Variants in RMDN2 observed in about 807,000 individuals in gnomAD.
RMDN2 encodes the protein regulator of microtubule dynamics protein 2.
In RMDN2, 61 loss-of-function variants were observed where a neutral mutation model predicts 52.8. The observed-to-expected ratio is 1.16, with a 90% confidence interval of 0.94 to 1.43. The LOEUF (loss-of-function observed/expected upper bound fraction) is 1.43. Ranked by LOEUF, RMDN2 falls within the 40% of genes most tolerant of loss-of-function variation. RMDN2 has a pLI of 0.00. For synonymous variants in RMDN2, 180 were observed against 153.1 expected (o/e 1.18, Z -1.30); for missense variants, 592 against 475.3 (o/e 1.25, Z -2.28).
At chr2:38,018,908 A>G (rs1248455381), downstream of RMDN2, among the ~76,000 whole-genome samples, 2 of 152,172 alleles carry the variant, frequency 1.3e-5, no homozygotes, top group Non-Finnish European at 2.9e-5. Context: ...GCACACACAC[A>G]TTTATACACT....
At chr2:38,053,274 G>T (rs1397574684) in intron 10 of RMDN2, among the ~76,000 whole-genome samples, 3 of 152,074 alleles carry the variant, frequency 2.0e-5, no homozygotes, top group African/African-American at 7.2e-5. Flanking sequence ...ACTTACCTAA[G>T]ACCAAATATA....
At chr2:38,027,539 A>G (rs560458368) in intron 10 of RMDN2, among the ~76,000 whole-genome samples, 27 of 152,350 alleles carry the variant, frequency 1.8e-4, no homozygotes, top group African/African-American at 5.5e-4. Flanking sequence ...ATAAGTTTTT[A>G]TAATGTTTCA....
At chr2:38,015,316 C>G (rs952243261) in intron 10 of RMDN2, among the ~76,000 whole-genome samples, 2 of 152,174 alleles carry the variant, frequency 1.3e-5, no homozygotes, top group Non-Finnish European at 2.9e-5. Flanking sequence ...GCTATAATCC[C>G]AGCACTTTGG....
intron 2 of RMDN2, chr2:37,952,858 A>C (rs1228377129): frequency 5.3e-5 from 8 of 152,040 alleles, no homozygotes; most frequent in African/African-American, 1.9e-4. Flanking sequence ...TTCTGAAATC[A>C]GGAAAAAGTA....
intron 10 of RMDN2, among the ~76,000 whole-genome samples, chr2:38,014,424 T>C (rs948073214): frequency 6.6e-6 from 1 of 152,226 alleles, no homozygotes; most frequent in African/African-American, 2.4e-5. Flanking sequence ...ATTGTTTAAA[T>C]TGATCTTAAA....
In RMDN2 at chr2:38,004,013, A is replaced by T. The variant is rs1558537898; in HGVS notation, c.1067A>T (p.Tyr356Phe). ...CAGGCTGAAGAACTATGCCCTGGTT[A>T]TTCTAATCCCAATTACATGTACTTA... ...FLKAEELCPG[Y>F]SNPNYMYLAK... Residue 356 changes from tyrosine (Y) to phenylalanine (F), a missense_variant, in exon 9 of 11, where the codon TAT becomes TTT. By Grantham distance (22) the Tyr-to-Phe change is conservative (BLOSUM62 3). Coordinates refer to ENST00000354545, the MANE Select transcript of RMDN2 (RefSeq NM_001170791.3). The T allele has an allele frequency of 6.2e-7, 1 of 1,613,274 alleles. No homozygotes were observed. Among genetic ancestry groups the T allele is most frequent in the African/African-American group, 1.3e-5 (1 of 75,040 alleles).
intron 2 of RMDN2, among the ~76,000 whole-genome samples, chr2:37,931,579 C>T (rs1558434600): frequency 1.3e-5 from 2 of 152,176 alleles, no homozygotes; most frequent in Non-Finnish European, 2.9e-5. Context: ...TAAAAGGACA[C>T]TGGTTAAGTT....
chr2:37,943,522 T>C (rs1667971573), intron 2 of RMDN2, among the ~76,000 whole-genome samples: 1 of 152,222 alleles, frequency 6.6e-6, no homozygotes, highest in Admixed American at 6.5e-5. Context: ...TTTTAGATGC[T>C]AATGAAAGAT....
At chr2:37,953,667 G>T (rs909318120) in intron 2 of RMDN2, among the ~76,000 whole-genome samples, 1 of 151,982 alleles carries the variant, frequency 6.6e-6, no homozygotes, top group African/African-American at 2.4e-5. Context: ...GCATGCAACT[G>T]TCTGTTCGAA....
At chr2:38,008,445 C>T (rs1016014222) in intron 10 of RMDN2, among the ~76,000 whole-genome samples, 2 of 152,158 alleles carry the variant, frequency 1.3e-5, no homozygotes, top group Non-Finnish European at 2.9e-5. Context: ...GAATTGATCC[C>T]TTTACCATTA....
chr2:37,983,770 C>G (rs1330775168), intron 5 of RMDN2, among the ~76,000 whole-genome samples: 1 of 152,160 alleles, frequency 6.6e-6, no homozygotes, highest in East Asian at 1.9e-4. Flanking sequence ...GCTGGACTCT[C>G]TTTAATTATG....
At chr2:38,057,390 T>C (rs963439786) in intron 10 of RMDN2, among the ~76,000 whole-genome samples, 5 of 152,252 alleles carry the variant, frequency 3.3e-5, no homozygotes, top group African/African-American at 1.2e-4. Flanking sequence ...TGTTCATGTG[T>C]CATAAAATAC....
chr2:37,941,691 C>G (rs115256931), intron 2 of RMDN2, among the ~76,000 whole-genome samples: 2 of 152,176 alleles, frequency 1.3e-5, no homozygotes, highest in Non-Finnish European at 2.9e-5. Flanking sequence ...TTTGTTTACA[C>G]CGTGTGGGGA....
chr2:37,951,812 T>G (rs766619098), intron 2 of RMDN2: 11 of 1,613,544 alleles, frequency 6.8e-6, no homozygotes, highest in Middle Eastern at 1.6e-4. Context: ...CTCCAGCCTT[T>G]GGGAACACTA....
intron 10 of RMDN2, among the ~76,000 whole-genome samples, chr2:38,011,080 T>C (rs1428154887): frequency 6.6e-6 from 1 of 152,110 alleles, no homozygotes; most frequent in Non-Finnish European, 1.5e-5. Context: ...GGAGATTAAC[T>C]ATGTAGGCAG....
chr2:37,970,186 T>C (rs547778277), intron 2 of RMDN2, among the ~76,000 whole-genome samples: 1 of 152,278 alleles, frequency 6.6e-6, no homozygotes, highest in South Asian at 2.1e-4. Context: ...TCCTGCCTCC[T>C]GAAGTGCTGG....
chr2:38,001,087 C>T (rs981198978), intron 8 of RMDN2, among the ~76,000 whole-genome samples: 6 of 152,124 alleles, frequency 3.9e-5, no homozygotes, highest in East Asian at 3.8e-4. Context: ...CTAGTGGCTT[C>T]CCCAGCTGCA....
chr2:38,065,620 T>G (rs1319625512), intron 10 of RMDN2, among the ~76,000 whole-genome samples: 2 of 152,162 alleles, frequency 1.3e-5, no homozygotes, highest in Non-Finnish European at 2.9e-5. Flanking sequence ...TGGCCAGTGC[T>G]CACGGGCTCT....
intron 2 of RMDN2, chr2:37,953,086 T>A (rs2124974005): frequency 6.6e-6 from 1 of 152,106 alleles, no homozygotes; most frequent in South Asian, 2.1e-4. Context: ...GTCCCCCAAA[T>A]TTATTTCATG....
Sources: allele counts gnomAD v4.1 joint callset (sites outside exome capture counted in the v4.1 genomes callset), GRCh38; gene constraint gnomAD v4.1.1; transcripts MANE v1.5; gene names NCBI Gene and HGNC (gene_info 2026-07-23, HGNC 2026-07-21).